The following CLPB variants were observed in gnomAD, a reference collection of about 807,000 sequenced individuals.
CLPB encodes the protein mitochondrial disaggregase.
Under a neutral mutation model 78.4 loss-of-function variants are expected in CLPB, and 40 were observed. That is an observed-to-expected ratio of 0.51 (90% CI 0.40 to 0.66). The LOEUF (loss-of-function observed/expected upper bound fraction) is 0.66, where lower values mean the gene tolerates loss of function less well. CLPB is among the 30% of genes least tolerant of loss of function. The probability of loss-of-function intolerance (pLI) is 0.00; values close to 1 mark genes in which losing one functional copy is unlikely to be tolerated. For missense variants in CLPB, 780 were observed against 886.9 expected (o/e 0.88, Z 1.53); for synonymous variants, 333 against 348.0 (o/e 0.96, Z 0.48).
intron 9 of CLPB, among the ~76,000 whole-genome samples, chr11:72,306,548 C>T (rs1949748512): frequency 6.6e-6 from 1 of 152,182 alleles, no homozygotes; most frequent in African/African-American, 2.4e-5. Context: ...CTGAGCAGGC[C>T]TTGGAAAGCC....
chr11:72,430,377 G>A lies in CLPB; in HGVS notation c.404-14C>T, dbSNP rs769850264. 8 of 1,612,316 alleles carry A rather than the reference G, an allele frequency of 5.0e-6. No individual in the cohort carries two copies. The highest frequency in any genetic ancestry group is 1.6e-4 in the Middle Eastern group (1 of 6,082). On this transcript the variant is annotated splice_polypyrimidine_tract_variant and intron_variant, in intron 1 of 15. Coordinates refer to ENST00000538039, the MANE Select transcript of CLPB (RefSeq NM_001258392.3). ...ACAGGGCTGCATCTGAAGAGAAAGGGGGCACTGGTCAGATCCGCGGCCAGG... is the reference window on the plus strand; with the variant it reads ...ACAGGGCTGCATCTGAAGAGAAAGGAGGCACTGGTCAGATCCGCGGCCAGG...
intron 4 of CLPB, among the ~76,000 whole-genome samples, chr11:72,370,064 A>T (rs957557361): frequency 3.9e-5 from 6 of 152,094 alleles, no homozygotes; most frequent in Non-Finnish European, 7.4e-5. Context: ...TGCCTGGAAA[A>T]TTTCAGCCCT....
At position 72,308,620 on chromosome 11, in the gene CLPB, C is replaced by T; in HGVS notation, c.989-16G>A. On this transcript the variant is annotated splice_polypyrimidine_tract_variant and intron_variant, in intron 7 of 15. Coordinates refer to ENST00000538039, the MANE Select transcript of CLPB (RefSeq NM_001258392.3). ...CTCCGGATCGCTACGGCCAAACACA[C>T]AAGATCAGGGGACAGGGAGGGAGGC... The T allele has an allele frequency of 1.2e-6, 2 of 1,611,200 alleles. No individual in the cohort carries two copies. The highest frequency in any genetic ancestry group is 1.7e-6 in the Non-Finnish European group (2 of 1,177,268).
chr11:72,434,243 A>C lies in CLPB; in HGVS notation c.232T>G (p.Phe78Val). 6.2e-7 allele frequency: 1 copy of C among 1,613,288 alleles called. No individual in the cohort carries two copies. Among genetic ancestry groups the C allele is most frequent in the Non-Finnish European group, 8.5e-7 (1 of 1,179,900 alleles). ...GCAGCCGCGAGGCATTTGGTATCGA[A>C]GCGTCCTCCCTGGCGCCCCCCGGTG... ...AATGGRQGGR[F>V]DTKCLAAATW... Residue 78 changes from phenylalanine to valine, a missense_variant, in exon 1 of 16, where the codon TTC (phenylalanine) becomes GTC (valine). This residue lies in a region of CLPB where 417 missense variants were observed against 414.7 expected (regional missense o/e 1.01). Coordinates refer to ENST00000538039, the MANE Select transcript of CLPB (RefSeq NM_001258392.3).
At chr11:72,354,420 A>T in intron 5 of CLPB, 1 of 398,218 alleles carries the variant, frequency 2.5e-6, no homozygotes. Flanking sequence ...ATGATTAGAG[A>T]TATGTTTTAG....
At chr11:72,309,158 A>T (rs938460266) in intron 7 of CLPB, among the ~76,000 whole-genome samples, 6 of 152,128 alleles carry the variant, frequency 3.9e-5, no homozygotes, top group African/African-American at 1.4e-4. Context: ...AATCAAAGGC[A>T]ATGTGGAGCT....
At chr11:72,369,844 TAATGAACTGCGTGCG>T (rs1188466682) in intron 4 of CLPB, among the ~76,000 whole-genome samples, 11 of 152,262 alleles carry the variant, frequency 7.2e-5, no homozygotes, top group Admixed American at 7.2e-4. Context: ...AGGGGCAGAA[TAATGAACTGCGTGCG>T]TCAGGGAAGA....
intron 5 of CLPB, among the ~76,000 whole-genome samples, chr11:72,357,700 G>GGA (rs1417164567): frequency 1.4e-4 from 6 of 43,878 alleles, no homozygotes; most frequent in African/African-American, 4.8e-4. Context: ...CCGTGTCCCA[G>GGA]AAAAAAAAAA....
intron 5 of CLPB, among the ~76,000 whole-genome samples, chr11:72,335,247 G>GCTCA (rs1950298972): frequency 6.6e-6 from 1 of 152,166 alleles, no homozygotes; most frequent in Admixed American, 6.5e-5. Context: ...TGAAGGCCTG[G>GCTCA]CTCACTGGTG....
At chr11:72,346,979 C>T (rs11235482) in intron 5 of CLPB, among the ~76,000 whole-genome samples, 1 of 115,960 alleles carries the variant, frequency 8.6e-6, no homozygotes. Context: ...AAAATTCCAT[C>T]TCAAAAATTA....
At chr11:72,329,491 G>A (rs1489374936) in intron 6 of CLPB, among the ~76,000 whole-genome samples, 5 of 152,172 alleles carry the variant, frequency 3.3e-5, no homozygotes, top group African/African-American at 1.2e-4. Context: ...GGTCATGATA[G>A]GGGCAGCTTC....
At chr11:72,347,382 A>G (rs1215007167) in intron 5 of CLPB, among the ~76,000 whole-genome samples, 1 of 152,092 alleles carries the variant, frequency 6.6e-6, no homozygotes, top group East Asian at 2.0e-4. Context: ...ACTTGAGCCC[A>G]GGAATTAGAG....
intron 2 of CLPB, chr11:72,408,024 G>T: frequency 1.0e-6 from 1 of 968,660 alleles, no homozygotes; most frequent in South Asian, 1.4e-5. Flanking sequence ...GGTCCAATGA[G>T]GATCACAATC....
intron 4 of CLPB, among the ~76,000 whole-genome samples, chr11:72,377,787 T>C (rs896572753): frequency 6.6e-6 from 1 of 152,086 alleles, no homozygotes; most frequent in African/African-American, 2.4e-5. Flanking sequence ...TAGAGCAGGG[T>C]TGGCAAACTA....
intron 11 of CLPB, among the ~76,000 whole-genome samples, chr11:72,298,080 C>T (rs1041342864): frequency 2.6e-4 from 40 of 152,194 alleles, no homozygotes; most frequent in African/African-American, 8.9e-4. Context: ...TGCTTTCCCA[C>T]TGTCTCACGT....
intron 4 of CLPB, chr11:72,372,935 G>A: frequency 6.2e-7 from 1 of 1,613,984 alleles, no homozygotes; most frequent in Non-Finnish European, 8.5e-7. Context: ...CGCCAGCGGG[G>A]AGTCCTAGCC....
At chr11:72,382,759 A>G (rs1854955093) in intron 3 of CLPB, among the ~76,000 whole-genome samples, 1 of 152,198 alleles carries the variant, frequency 6.6e-6, no homozygotes, top group South Asian at 2.1e-4. Context: ...ATAAGTTCCT[A>G]CTTTTTCACA....
At chr11:72,339,922 G>A (rs975138567) in intron 5 of CLPB, among the ~76,000 whole-genome samples, 2 of 152,350 alleles carry the variant, frequency 1.3e-5, no homozygotes, top group Admixed American at 6.5e-5. Context: ...CTGGCTGTGA[G>A]AATGTAAGTG....
At chr11:72,296,522 G>A (rs779309962) in intron 11 of CLPB, among the ~76,000 whole-genome samples, 14 of 152,174 alleles carry the variant, frequency 9.2e-5, no homozygotes, top group Admixed American at 1.3e-4. Context: ...ACAGAGCCCC[G>A]CTCACTCAGC....
Sources: gnomAD v4.1 joint callset for allele counts (sites outside exome capture counted in the v4.1 genomes callset) on GRCh38, gnomAD v4.1.1 for gene constraint, gnomAD v4.1.1 regional missense constraint, MANE v1.5 for transcripts, NCBI Gene and HGNC (gene_info 2026-07-23, HGNC 2026-07-21) for gene names.